Variants in CNOT2 observed in about 807,000 individuals in gnomAD.
CNOT2 encodes the protein CCR4-NOT transcription complex subunit 2, also known as CC chemokine receptor 4-negative regulator of transcription 2.
A neutral mutation model predicts 72.1 loss-of-function variants in CNOT2; 7 were observed. That is an observed-to-expected ratio of 0.10 (90% CI 0.06 to 0.18). The LOEUF (loss-of-function observed/expected upper bound fraction) is 0.18, where lower values mean the gene tolerates loss of function less well. Ranked by LOEUF, CNOT2 falls within the 10% of genes least tolerant of loss-of-function variation. The pLI is 1.00. For synonymous variants in CNOT2, 196 were observed against 225.6 expected (o/e 0.87, Z 1.17); for missense variants, 345 against 660.3 (o/e 0.52, Z 5.23).
intron 1 of CNOT2, among the ~76,000 whole-genome samples, chr12:70,264,934 G>GT (rs1054355306): frequency 2.0e-5 from 3 of 151,632 alleles, no homozygotes; most frequent in Non-Finnish European, 4.4e-5. Context: ...CTCCAATTAT[G>GT]TTTTTTTTCA....
intron 1 of CNOT2, among the ~76,000 whole-genome samples, chr12:70,262,758 C>G (rs568846148): frequency 6.6e-6 from 1 of 151,880 alleles, no homozygotes; most frequent in African/African-American, 2.4e-5. Flanking sequence ...ACCGCAACCT[C>G]TACCTCCCGG....
At chr12:70,323,880 T>C (rs1438821968) in intron 4 of CNOT2, 2 of 151,752 alleles carry the variant, frequency 1.3e-5, no homozygotes, top group African/African-American at 2.4e-5. Flanking sequence ...TACCACCTGT[T>C]GGCTTTCTTT....
At chr12:70,309,231 T>C (rs1306853986) in intron 2 of CNOT2, among the ~76,000 whole-genome samples, 1 of 152,242 alleles carries the variant, frequency 6.6e-6, no homozygotes, top group African/African-American at 2.4e-5. Context: ...CAAAAAAAGA[T>C]TAAGTACCTG....
At chr12:70,325,784 A>G (rs1451158717) in intron 4 of CNOT2, among the ~76,000 whole-genome samples, 1 of 151,846 alleles carries the variant, frequency 6.6e-6, no homozygotes, top group African/African-American at 2.4e-5. Context: ...GCTGCTTTGC[A>G]AATGGAAAAG....
chr12:70,335,639 T>C, intron 8 of CNOT2, 76 bp downstream of exon 8: 1 of 1,079,454 alleles, frequency 9.3e-7, no homozygotes, highest in Middle Eastern at 2.0e-4. Context: ...TACATGTACG[T>C]ATACATATGC....
Position 70,354,190 on chromosome 12 carries a change from G to A in CNOT2, c.*275G>A. ...TCCTTTTTTGCCAGCAGACAGACTT[G>A]AGTCTGTAAAGACAAGCAAATACAC... On this transcript the variant is annotated 3_prime_UTR_variant, in exon 16 of 16. Coordinates refer to ENST00000229195, the MANE Select transcript of CNOT2 (RefSeq NM_014515.7). The A allele has an allele frequency of 4.5e-6, 2 of 444,610 alleles. No homozygotes were observed. The highest frequency in any genetic ancestry group is 7.3e-6 in the Non-Finnish European group (2 of 273,338). 27.5% of individuals were successfully genotyped at this position (444,610 alleles called of 1,614,324 possible). A position where few individuals can be genotyped will look rare whatever the true frequency, so the allele number is the denominator to read the frequency against.
chr12:70,329,689 G>A (rs919479750), intron 5 of CNOT2, 119 bp downstream of exon 5: 9 of 710,038 alleles, frequency 1.3e-5, no homozygotes, highest in Non-Finnish European at 2.2e-5. Context: ...TTTCACTGAG[G>A]AAGAAAATAC....
chr12:70,319,437 C>T (rs1877918496), intron 4 of CNOT2, 73 bp downstream of exon 4: 3 of 1,382,964 alleles, frequency 2.2e-6, no homozygotes, highest in South Asian at 1.2e-5. Context: ...TAAAGAACAA[C>T]CAGTACTTCC....
chr12:70,310,066 A>T (rs927311961), intron 2 of CNOT2, among the ~76,000 whole-genome samples: 7 of 152,036 alleles, frequency 4.6e-5, no homozygotes, highest in African/African-American at 1.7e-4. Context: ...ATTGTATTAG[A>T]TATTATAAGT....
At chr12:70,351,433 C>T (rs888696126) in intron 15 of CNOT2, among the ~76,000 whole-genome samples, 2 of 152,036 alleles carry the variant, frequency 1.3e-5, no homozygotes, top group African/African-American at 2.4e-5. Flanking sequence ...AATAAAAGTA[C>T]GTGGAAAACA....
At chr12:70,314,819 C>T (rs1371921032) in intron 3 of CNOT2, among the ~76,000 whole-genome samples, 1 of 151,110 alleles carries the variant, frequency 6.6e-6, no homozygotes, top group Admixed American at 6.7e-5. Context: ...TCCTCCCTTG[C>T]CCCTTTTCTC....
intron 2 of CNOT2, among the ~76,000 whole-genome samples, chr12:70,293,913 G>A (rs1872385073): frequency 1.2e-5 from 1 of 86,212 alleles, no homozygotes; most frequent in Non-Finnish European, 2.4e-5. Flanking sequence ...GGTGAGCACT[G>A]CTTTTTTTTT....
chr12:70,321,930 A>C (rs1198421622), intron 4 of CNOT2: 2 of 151,832 alleles, frequency 1.3e-5, no homozygotes, highest in Admixed American at 6.6e-5. Context: ...CTTCAGTTCT[A>C]GTATAGTATG....
chr12:70,261,794 A>C (rs1445169169), intron 1 of CNOT2, among the ~76,000 whole-genome samples: 2 of 151,932 alleles, frequency 1.3e-5, no homozygotes, highest in East Asian at 3.9e-4. Context: ...GTTTTTCTTA[A>C]AATTGGTACA....
chr12:70,332,964 A>G, intron 7 of CNOT2, 118 bp downstream of exon 7: 1 of 1,327,118 alleles, frequency 7.5e-7, no homozygotes, highest in Non-Finnish European at 9.7e-7. Context: ...TAGATGGTAG[A>G]TTTTAATTCA....
intron 13 of CNOT2, among the ~76,000 whole-genome samples, chr12:70,342,772 C>CT (rs1565832923): frequency 6.6e-6 from 1 of 151,968 alleles, no homozygotes. Flanking sequence ...CTTAATCTCT[C>CT]TTTTTTCAAT....
chr12:70,323,027 TAG>T, intron 4 of CNOT2: 1 of 151,854 alleles, frequency 6.6e-6, no homozygotes, highest in South Asian at 2.1e-4. Flanking sequence ...CAGAATGGTG[TAG>T]ACAGACTTTT....
intron 2 of CNOT2, among the ~76,000 whole-genome samples, chr12:70,288,516 A>T (rs777752697): frequency 9.2e-5 from 14 of 152,164 alleles, no homozygotes; most frequent in Non-Finnish European, 1.9e-4. Flanking sequence ...CTTTAGGGAT[A>T]TAAGCTTGTG....
chr12:70,326,146 A>G (rs1441736588), intron 4 of CNOT2, among the ~76,000 whole-genome samples: 2 of 151,838 alleles, frequency 1.3e-5, no homozygotes, highest in Admixed American at 6.6e-5. Context: ...TAGTCCTCCT[A>G]ATATTGTGTT....
Sources: gnomAD v4.1 joint callset for allele counts (sites outside exome capture counted in the v4.1 genomes callset) on GRCh38, gnomAD v4.1.1 for gene constraint, MANE v1.5 for transcripts, NCBI Gene and HGNC (gene_info 2026-07-23, HGNC 2026-07-21) for gene names.